The following NARS2 variants were observed in gnomAD, a reference collection of about 807,000 sequenced individuals.
NARS2 encodes asparaginyl-tRNA synthetase 2, mitochondrial.
Under a neutral mutation model 62.9 loss-of-function variants are expected in NARS2, and 60 were observed. The observed-to-expected ratio is 0.95, with a 90% CI of 0.77 to 1.18. NARS2 has a LOEUF of 1.18. NARS2 is among the 50% of genes most tolerant of loss of function. NARS2 has a pLI of 0.00. For missense variants in NARS2, 619 were observed against 576.4 expected, an observed-to-expected ratio of 1.07 and a Z score of -0.76; for synonymous variants, 196 against 200.0, an observed-to-expected ratio of 0.98 and a Z score of 0.17.
chr11:78,547,176 T>A lies in NARS2; in HGVS notation c.594+12363A>T, dbSNP rs148324640. 1.9e-3 allele frequency among the ~76,000 whole-genome samples: 291 copies of A among 151,982 alleles called. 1 individual carries two copies. Among genetic ancestry groups the A allele is most frequent in the African/African-American group, 6.8e-3 (280 of 41,454 alleles). On this transcript the variant is annotated intron_variant, in intron 5 of 13. Coordinates refer to ENST00000281038, the MANE Select transcript of NARS2 (RefSeq NM_024678.6). Reference sequence around the variant, plus strand: ...CAAGACCCTGTATCCATAAAAAATTTAAAAATTAGCCAGGTGTGGTGGTGC... The same window carrying A: ...CAAGACCCTGTATCCATAAAAAATTAAAAAATTAGCCAGGTGTGGTGGTGC...
At chr11:78,461,273 G>A (rs1035433028) in intron 11 of NARS2, among the ~76,000 whole-genome samples, 6 of 152,108 alleles carry the variant, frequency 3.9e-5, no homozygotes, top group African/African-American at 1.4e-4. Context: ...ACCAAGGACT[G>A]GGCCTTGAGG....
chr11:78,496,949 T>C (rs955969763), intron 6 of NARS2, among the ~76,000 whole-genome samples: 1 of 152,086 alleles, frequency 6.6e-6, no homozygotes, highest in Non-Finnish European at 1.5e-5. Flanking sequence ...TGAAAGCCAT[T>C]TGCAGCAAAG....
intron 11 of NARS2, among the ~76,000 whole-genome samples, chr11:78,454,561 T>C (rs1486423480): frequency 3.3e-5 from 5 of 151,984 alleles, no homozygotes; most frequent in Non-Finnish European, 7.4e-5. Flanking sequence ...GCCATTCTTG[T>C]ACAGTCTGCA....
intron 4 of NARS2, among the ~76,000 whole-genome samples, chr11:78,560,309 C>T (rs950044223): frequency 5.9e-5 from 9 of 152,262 alleles, no homozygotes; most frequent in South Asian, 4.2e-4. Context: ...CATCCATTAC[C>T]GAGGTCCCCA....
chr11:78,494,888 C>G (rs573949781), intron 6 of NARS2, among the ~76,000 whole-genome samples: 1 of 152,246 alleles, frequency 6.6e-6, no homozygotes, highest in South Asian at 2.1e-4. Context: ...GTTAATCCAC[C>G]AACTCAACCA....
rs371959399 is a variant in NARS2, at chr11:78,478,652, A to G, written c.854T>C (p.Met285Thr). ...VIEELFKATT[M>T]MVLSKCPEDV... Reference sequence around the variant, plus strand: ...TTCAGGACATTTTGAGAGAACCATCATTGTTGTAGCCTTGAACAGTTCCTC... The same window carrying G: ...TTCAGGACATTTTGAGAGAACCATCGTTGTTGTAGCCTTGAACAGTTCCTC... The change falls in exon 8 of 14, where the codon ATG becomes ACG. Residue 285 changes from methionine (M) to threonine (T), a missense_variant. Coordinates refer to ENST00000281038, the MANE Select transcript of NARS2 (RefSeq NM_024678.6). The G allele has an allele frequency of 2.5e-6, 4 of 1,611,924 alleles. No individual in the cohort carries two copies. The highest frequency in any genetic ancestry group is 3.4e-6 in the Non-Finnish European group (4 of 1,178,728).
rs1170200642 is a variant in NARS2, at chr11:78,518,541, G to A, written c.689+10301C>T. On this transcript the variant is annotated intron_variant, in intron 6 of 13. Coordinates refer to ENST00000281038, the MANE Select transcript of NARS2 (RefSeq NM_024678.6). ...ACAATTTCTTTTTTTTTTTTGACAC[G>A]GAGTCTCGCACTTTCACCCAGGCCA... 4.0e-5 allele frequency among the ~76,000 whole-genome samples: 6 copies of A among 150,780 alleles called. No homozygotes were observed. In the East Asian group the frequency reaches 1.2e-3, roughly 29 times the overall value.
intron 7 of NARS2, among the ~76,000 whole-genome samples, chr11:78,482,476 A>C (rs976094994): frequency 6.6e-6 from 1 of 152,074 alleles, no homozygotes; most frequent in Non-Finnish European, 1.5e-5. Context: ...TTTTGAAAAG[A>C]TTAACAAATA....
intron 10 of NARS2, among the ~76,000 whole-genome samples, chr11:78,468,719 G>A (rs1858738936): frequency 6.6e-6 from 1 of 151,042 alleles, no homozygotes; most frequent in Non-Finnish European, 1.5e-5. Context: ...ATCTTTTAAT[G>A]TCATTCAGAA....
At chr11:78,552,389 G>T (rs900501066) in intron 5 of NARS2, among the ~76,000 whole-genome samples, 1 of 152,088 alleles carries the variant, frequency 6.6e-6, no homozygotes, top group Non-Finnish European at 1.5e-5. Flanking sequence ...TATCCAGTCT[G>T]TCACTGATGG....
rs1276298640 is a variant in NARS2 at position 78,464,039 on chromosome 11, G to A, written c.1164+1837C>T. ...GGTGAGTGTTACAGTTCTTAAAGGC[G>A]GCGCGTCCGGAGTTTGTTCCTTCTG... is the stretch of plus-strand genomic sequence containing the variant. On this transcript the variant is annotated intron_variant, in intron 11 of 13. Coordinates refer to ENST00000281038, the MANE Select transcript of NARS2 (RefSeq NM_024678.6). Among the ~76,000 whole-genome samples, 3 of 152,240 alleles carry A rather than the reference G, an allele frequency of 2.0e-5. No individual in the cohort carries two copies. In the East Asian group the frequency reaches 5.8e-4, roughly 29 times the overall value.
intron 6 of NARS2, among the ~76,000 whole-genome samples, chr11:78,502,575 C>A (rs761247667): frequency 6.6e-6 from 1 of 152,164 alleles, no homozygotes; most frequent in African/African-American, 2.4e-5. Flanking sequence ...AACTGCTTTA[C>A]GGGTATGGGC....
rs764364438 is a variant in NARS2 at position 78,487,354 on chromosome 11, TA to T, written c.822+5708del. Among the ~76,000 whole-genome samples the T allele has an allele frequency of 5.4e-3, 495 of 92,336 alleles. 1 individual carries two copies. Among genetic ancestry groups the T allele is most frequent in the South Asian group, 0.03 (88 of 2,982 alleles). The allele number at this position is 92,336 out of a possible 152,430, so 60.6% of individuals were successfully genotyped here. On this transcript the variant is annotated intron_variant, in intron 7 of 13. Transcript: ENST00000281038. ...CTGGGCAACAGAGTGAGGCTCTGTC[TA>T]AAAAAAAAAAAAAAAGAAAGAAAGA... is the stretch of plus-strand genomic sequence containing the variant.
chr11:78,520,376 C>T (rs967655917), intron 6 of NARS2, among the ~76,000 whole-genome samples: 1 of 152,278 alleles, frequency 6.6e-6, no homozygotes, highest in East Asian at 1.9e-4. Context: ...GTGTCTCCTA[C>T]ATCTCTATAT....
intron 5 of NARS2, among the ~76,000 whole-genome samples, chr11:78,554,514 T>C (rs1565280318): frequency 1.4e-5 from 2 of 145,986 alleles, no homozygotes; most frequent in African/African-American, 5.6e-5. Flanking sequence ...TGTGCGTGTG[T>C]GTGTGTGTGT....
At chr11:78,469,449 A>C in intron 9 of NARS2, 136 bp from the exon 10 acceptor site, 1 of 636,678 alleles carries the variant, frequency 1.6e-6, no homozygotes, top group African/African-American at 1.8e-5. Flanking sequence ...GGCTGATCTA[A>C]TCCTATGAAA....
At chr11:78,477,504 T>C (rs1055646939) in intron 9 of NARS2, among the ~76,000 whole-genome samples, 1 of 152,194 alleles carries the variant, frequency 6.6e-6, no homozygotes, top group African/African-American at 2.4e-5. Context: ...TTGTTCTATC[T>C]CTAAAATATA....
At chr11:78,561,721 G>A (rs1265763883) in intron 4 of NARS2, among the ~76,000 whole-genome samples, 1 of 152,116 alleles carries the variant, frequency 6.6e-6, no homozygotes, top group Non-Finnish European at 1.5e-5. Context: ...CTAGCCACAG[G>A]CAGGCCATAG....
intron 3 of NARS2, 98 bp downstream of exon 3, chr11:78,568,534 T>C (rs2135539790): frequency 2.9e-6 from 4 of 1,375,710 alleles, no homozygotes; most frequent in Middle Eastern, 2.3e-4. Context: ...ACAAATGAAA[T>C]ATATTCTAAG....
Sources: gnomAD v4.1 joint callset for allele counts (sites outside exome capture counted in the v4.1 genomes callset) on GRCh38, gnomAD v4.1.1 for gene constraint, MANE v1.5 for transcripts, NCBI Gene and HGNC (gene_info 2026-07-23, HGNC 2026-07-21) for gene names.